Variants in NECTIN1 observed in about 807,000 individuals in gnomAD.
NECTIN1 encodes nectin cell adhesion molecule 1.
NECTIN1 carries 23 observed loss-of-function variants against 48.0 expected under a neutral mutation model. That is an observed-to-expected ratio of 0.48 (90% CI 0.34 to 0.68). The LOEUF (loss-of-function observed/expected upper bound fraction) is 0.68, where lower values mean the gene tolerates loss of function less well. NECTIN1 is among the 30% of genes least tolerant of loss of function. NECTIN1 has a pLI of 0.01. For synonymous variants in NECTIN1, 270 were observed against 288.9 expected (o/e 0.93, Z 0.66); for missense variants, 591 against 709.9 (o/e 0.83, Z 1.90).
At chr11:119,654,657 C>T (rs530258786) in intron 5 of NECTIN1, among the ~76,000 whole-genome samples, 4 of 152,034 alleles carry the variant, frequency 2.6e-5, no homozygotes, top group Admixed American at 6.5e-5. Context: ...CTGCAACCTC[C>T]GCCTCCCCAG....
chr11:119,700,527 C>A (rs775285463), intron 1 of NECTIN1, among the ~76,000 whole-genome samples: 31 of 152,192 alleles, frequency 2.0e-4, no homozygotes, highest in Non-Finnish European at 4.1e-4. Context: ...CTGGGGGTCT[C>A]TGCTCTGCAG....
chr11:119,707,079 T>G (rs1011724781), intron 1 of NECTIN1, among the ~76,000 whole-genome samples: 1 of 152,184 alleles, frequency 6.6e-6, no homozygotes, highest in Non-Finnish European at 1.5e-5. Context: ...GGCCCACTAC[T>G]GCCCCTGCTG....
intron 5 of NECTIN1, among the ~76,000 whole-genome samples, chr11:119,648,265 G>GTGA (rs1303737828): frequency 3.5e-5 from 1 of 28,710 alleles, no homozygotes; most frequent in African/African-American, 1.1e-4. Flanking sequence ...GGTGGTAATA[G>GTGA]TGGTGGTGGT....
chr11:119,690,453 G>A (rs1414732977), intron 1 of NECTIN1, among the ~76,000 whole-genome samples: 1 of 152,216 alleles, frequency 6.6e-6, no homozygotes, highest in African/African-American at 2.4e-5. Flanking sequence ...CCAGGGGCTG[G>A]GGCCAGAAAA....
chr11:119,691,238 G>C (rs1409353170), intron 1 of NECTIN1, among the ~76,000 whole-genome samples: 1 of 152,210 alleles, frequency 6.6e-6, no homozygotes, highest in Non-Finnish European at 1.5e-5. Flanking sequence ...TTTAACCACA[G>C]AACGAAGCAA....
Position 119,681,899 on chromosome 11 carries a change from T to C in NECTIN1, c.80-3134A>G, listed in dbSNP as rs1240546400. Among the ~76,000 whole-genome samples the C allele has an allele frequency of 1.9e-4, 29 of 152,122 alleles. 1 individual carries two copies. The highest frequency in any genetic ancestry group is 1.9e-3 in the Admixed American group (29 of 15,284). The stretch of plus-strand genomic sequence containing the variant: ...AGACTCACTTTGGTATTTGCCTCTT[T>C]GCTACATCTGACTGCTAGCAGGGCC... On this transcript the variant is annotated intron_variant, in intron 1 of 5. Transcript: ENST00000264025.
downstream of NECTIN1, among the ~76,000 whole-genome samples, chr11:119,660,183 T>G (rs1301231028): frequency 1.3e-5 from 2 of 151,540 alleles, no homozygotes; most frequent in African/African-American, 4.9e-5. Context: ...TTGGTGTGGA[T>G]TTCAGTGAAA....
chr11:119,656,059 T>A (rs553554979), downstream of NECTIN1, among the ~76,000 whole-genome samples: 3 of 151,668 alleles, frequency 2.0e-5, no homozygotes, highest in Admixed American at 6.6e-5. Context: ...CACACCTGGA[T>A]AATTTTTTCA....
chr11:119,686,613 C>T (rs1439347233), intron 1 of NECTIN1, among the ~76,000 whole-genome samples: 2 of 152,204 alleles, frequency 1.3e-5, no homozygotes, highest in African/African-American at 4.8e-5. Context: ...CAGCCACTTC[C>T]TCTCCCAACT....
intron 1 of NECTIN1, among the ~76,000 whole-genome samples, chr11:119,720,877 G>A (rs1865817877): frequency 6.6e-6 from 1 of 152,148 alleles, no homozygotes; most frequent in Non-Finnish European, 1.5e-5. Context: ...CTGGGGAGGG[G>A]TGGGACTAGG....
intron 1 of NECTIN1, among the ~76,000 whole-genome samples, chr11:119,694,899 C>G (rs1038098379): frequency 6.6e-6 from 1 of 152,174 alleles, no homozygotes; most frequent in Non-Finnish European, 1.5e-5. Context: ...TCCCAGGGCC[C>G]AACCACAGTT....
At chr11:119,689,768 C>T (rs553165967) in intron 1 of NECTIN1, among the ~76,000 whole-genome samples, 5 of 152,334 alleles carry the variant, frequency 3.3e-5, no homozygotes, top group Admixed American at 1.3e-4. Flanking sequence ...CAATCCCCAC[C>T]GCAATGACCC....
downstream of NECTIN1, among the ~76,000 whole-genome samples, chr11:119,657,475 C>T (rs1332053869): frequency 2.0e-5 from 3 of 151,752 alleles, no homozygotes; most frequent in Admixed American, 1.3e-4. Context: ...ATTAGCTGGG[C>T]GTGGTGGCAC....
intron 1 of NECTIN1, among the ~76,000 whole-genome samples, chr11:119,713,392 C>A (rs1409226186): frequency 2.0e-5 from 3 of 152,084 alleles, no homozygotes; most frequent in African/African-American, 7.2e-5. Context: ...AAGAAAAAAC[C>A]ATCCATGATT....
chr11:119,638,346 A>C (rs1446109953), intron 7 of NECTIN1: 14 of 1,436,908 alleles, frequency 9.7e-6, no homozygotes, highest in Non-Finnish European at 1.3e-5. Context: ...CTCAGTTCCC[A>C]TGCACCCCCA....
intron 1 of NECTIN1, among the ~76,000 whole-genome samples, chr11:119,689,309 G>T: frequency 6.6e-6 from 1 of 152,150 alleles, no homozygotes. Flanking sequence ...TTCCAGCCTC[G>T]CAGCCTCAGG....
chr11:119,674,148 T>A (rs1239436031), intron 5 of NECTIN1, among the ~76,000 whole-genome samples: 1 of 152,192 alleles, frequency 6.6e-6, no homozygotes, highest in Non-Finnish European at 1.5e-5. Context: ...AGTGGCTTTG[T>A]GGCCGGAGCC....
chr11:119,643,475 G>A (rs575487842), intron 5 of NECTIN1, among the ~76,000 whole-genome samples: 36 of 152,332 alleles, frequency 2.4e-4, no homozygotes, highest in African/African-American at 8.4e-4. Context: ...ATCTGCGCCT[G>A]TGTGCTGTTC....
At chr11:119,645,020 G>A (rs1347480036) in intron 5 of NECTIN1, among the ~76,000 whole-genome samples, 1 of 152,186 alleles carries the variant, frequency 6.6e-6, no homozygotes, top group Non-Finnish European at 1.5e-5. Flanking sequence ...CTCCTCCAGA[G>A]CTCCCCAGGG....
Sources: gnomAD v4.1 joint callset for allele counts (sites outside exome capture counted in the v4.1 genomes callset) on GRCh38, gnomAD v4.1.1 for gene constraint, MANE v1.5 for transcripts, NCBI Gene and HGNC (gene_info 2026-07-23, HGNC 2026-07-21) for gene names.